Variants in PHF24 observed in about 807,000 individuals in gnomAD.
The protein encoded by PHF24 is PHD finger protein 24.
In PHF24, 25 loss-of-function variants were observed where a neutral mutation model predicts 42.6. The observed-to-expected ratio is 0.59, with a 90% CI of 0.43 to 0.82. The LOEUF is 0.82. Ranked by LOEUF, PHF24 falls within the 40% of genes least tolerant of loss-of-function variation. The pLI is 0.00. For missense variants in PHF24, 470 were observed against 538.1 expected (o/e 0.87, Z 1.25); for synonymous variants, 185 against 204.8 (o/e 0.90, Z 0.83).
At chr9:34,960,405 G>A (rs1826549296) in intron 1 of PHF24, among the ~76,000 whole-genome samples, 1 of 152,142 alleles carries the variant, frequency 6.6e-6, no homozygotes, top group African/African-American at 2.4e-5. Context: ...ACTCAGTGAT[G>A]CTACCTTGCG....
At chr9:34,666,618 G>T in the PHF24 span, among the ~76,000 whole-genome samples, 1 of 144,520 alleles carries the variant, frequency 6.9e-6, no homozygotes, top group Admixed American at 7.2e-5. Flanking sequence ...CCACCTGTGT[G>T]TCAGGCACTG....
the PHF24 span, among the ~76,000 whole-genome samples, chr9:34,915,034 T>G: frequency 7.2e-6 from 1 of 138,382 alleles, no homozygotes; most frequent in African/African-American, 2.7e-5. Flanking sequence ...TTCTTTTTTT[T>G]TTTTTTTTTT....
At chr9:34,767,705 C>T in the PHF24 span, among the ~76,000 whole-genome samples, 2 of 152,240 alleles carry the variant, frequency 1.3e-5, no homozygotes, top group Admixed American at 6.5e-5. Context: ...TGGTGCGCTG[C>T]ACCCACTGTC....
chr9:34,721,284 T>A, the PHF24 span, among the ~76,000 whole-genome samples: 1 of 152,212 alleles, frequency 6.6e-6, no homozygotes, highest in Non-Finnish European at 1.5e-5. Context: ...ATGTCTCCAG[T>A]CTTTTTTGAA....
At chr9:34,710,544 T>C in the PHF24 span, among the ~76,000 whole-genome samples, 2 of 150,218 alleles carry the variant, frequency 1.3e-5, no homozygotes. Context: ...CTTGGCTCAC[T>C]GAAATCTCCG....
At chr9:34,667,434 A>G in the PHF24 span, among the ~76,000 whole-genome samples, 1 of 152,182 alleles carries the variant, frequency 6.6e-6, no homozygotes, top group Non-Finnish European at 1.5e-5. Flanking sequence ...GGGAGTTCAG[A>G]AGCTATGCTT....
chr9:34,779,129 A>C, the PHF24 span, among the ~76,000 whole-genome samples: 1 of 152,250 alleles, frequency 6.6e-6, no homozygotes, highest in African/African-American at 2.4e-5. Flanking sequence ...AGTGATAAAC[A>C]TCTATATTAA....
chr9:34,806,520 A>C, the PHF24 span, among the ~76,000 whole-genome samples: 3 of 152,026 alleles, frequency 2.0e-5, no homozygotes, highest in African/African-American at 7.3e-5. Flanking sequence ...GTGCAGTGGC[A>C]CGATCTCGGC....
At chr9:34,852,971 T>G in the PHF24 span, among the ~76,000 whole-genome samples, 24 of 152,226 alleles carry the variant, frequency 1.6e-4, no homozygotes, top group African/African-American at 5.8e-4. Context: ...TATTATTTAT[T>G]TAAATAAGCT....
the PHF24 span, among the ~76,000 whole-genome samples, chr9:34,715,163 A>G: frequency 6.6e-6 from 1 of 152,104 alleles, no homozygotes; most frequent in African/African-American, 2.4e-5. Flanking sequence ...CTGGCTGGAC[A>G]AAATCCAGCG....
chr9:34,919,746 A>G, the PHF24 span, among the ~76,000 whole-genome samples: 1 of 138,376 alleles, frequency 7.2e-6, no homozygotes, highest in East Asian at 2.1e-4. Flanking sequence ...TACTCTCTAT[A>G]TCTATGAGTT....
At chr9:34,801,014 C>A in the PHF24 span, among the ~76,000 whole-genome samples, 14 of 152,254 alleles carry the variant, frequency 9.2e-5, no homozygotes, top group African/African-American at 3.4e-4. Context: ...TATGAACAGA[C>A]ACTTCTCAAA....
At chr9:34,677,498 G>A in the PHF24 span, among the ~76,000 whole-genome samples, 16 of 145,822 alleles carry the variant, frequency 1.1e-4, no homozygotes, top group African/African-American at 3.8e-4. Context: ...CCGGGTTCAC[G>A]CCATTCTCCT....
the PHF24 span, chr9:34,836,924 C>T: frequency 3.1e-6 from 1 of 321,418 alleles, no homozygotes. Flanking sequence ...GCCTTTGCAA[C>T]CCTCTCAACT....
chr9:34,698,353 C>G, the PHF24 span, among the ~76,000 whole-genome samples: 1 of 152,110 alleles, frequency 6.6e-6, no homozygotes, highest in African/African-American at 2.4e-5. Context: ...AAATAGTCAT[C>G]TAGGGCATAA....
At chr9:34,917,692 C>T in the PHF24 span, 1 of 785,750 alleles carries the variant, frequency 1.3e-6, no homozygotes, top group South Asian at 1.3e-5. Flanking sequence ...GAACCTATGG[C>T]AGGGACATCG....
upstream of PHF24, among the ~76,000 whole-genome samples, chr9:34,956,428 T>G (rs561801020): frequency 6.6e-6 from 1 of 152,154 alleles, no homozygotes; most frequent in East Asian, 1.9e-4. Context: ...CCTGGCTAAT[T>G]GTTGTGTTTT....
upstream of PHF24, among the ~76,000 whole-genome samples, chr9:34,954,006 G>A (rs181770038): frequency 4.1e-4 from 62 of 152,144 alleles, no homozygotes; most frequent in African/African-American, 1.5e-3. Context: ...CAGGCTGGCT[G>A]AAGCATTCAA....
chr9:34,718,864 C>A, the PHF24 span, among the ~76,000 whole-genome samples: 1 of 152,200 alleles, frequency 6.6e-6, no homozygotes, highest in Non-Finnish European at 1.5e-5. Context: ...GAAATTCCCT[C>A]CAGCCAATTC....
Sources: gnomAD v4.1 joint callset for allele counts (sites outside exome capture counted in the v4.1 genomes callset) on GRCh38, gnomAD v4.1.1 for gene constraint, MANE v1.5 for transcripts, NCBI Gene and HGNC (gene_info 2026-07-23, HGNC 2026-07-21) for gene names.